RANBP2: variants seen among roughly 807,000 people sequenced by gnomAD.
RANBP2 encodes the protein RAN binding protein 2, also known as E3 SUMO-protein ligase RanBP2.
RANBP2 carries 57 observed loss-of-function variants against 303.6 expected under a neutral mutation model. The observed-to-expected ratio is 0.19, with a 90% CI of 0.15 to 0.23. RANBP2 has a LOEUF of 0.23. RANBP2 is among the 10% of genes least tolerant of loss of function. The pLI, the probability that RANBP2 is intolerant of heterozygous loss-of-function variation, is 1.00. For synonymous variants in RANBP2, 1,167 were observed against 1,301.5 expected (o/e 0.90, Z 2.23); for missense variants, 3,138 against 3,780.8 (o/e 0.83, Z 4.46).
the RANBP2 span, among the ~76,000 whole-genome samples, chr2:109,223,594 G>C: frequency 2.6e-5 from 4 of 152,094 alleles, no homozygotes; most frequent in South Asian, 6.2e-4. Flanking sequence ...ATCGGTGGAG[G>C]GCAGTAGCAC....
the RANBP2 span, among the ~76,000 whole-genome samples, chr2:109,040,997 T>A: frequency 6.8e-3 from 1,036 of 152,218 alleles, 6 homozygotes; most frequent in East Asian, 0.035. Context: ...CGGAGCTTGC[T>A]GTGAGCGGAG....
At chr2:109,303,613 G>A in the RANBP2 span, among the ~76,000 whole-genome samples, 5 of 152,350 alleles carry the variant, frequency 3.3e-5, no homozygotes, top group Admixed American at 2.6e-4. Flanking sequence ...ACGGGCTGGC[G>A]AGACAAAGTC....
chr2:108,843,886 CTTTTTTTTTTT>C, the RANBP2 span, among the ~76,000 whole-genome samples: 1 of 94,018 alleles, frequency 1.1e-5, no homozygotes, highest in East Asian at 2.8e-4. Context: ...GTGTTTCTTT[CTTTTTTTTTTT>C]TTTTTTTTTT....
chr2:109,705,577 T>C, the RANBP2 span, among the ~76,000 whole-genome samples: 1 of 152,192 alleles, frequency 6.6e-6, no homozygotes, highest in African/African-American at 2.4e-5. Context: ...TGTGCATCCA[T>C]GAGGTCATAG....
the RANBP2 span, among the ~76,000 whole-genome samples, chr2:109,139,938 G>A: frequency 6.6e-6 from 1 of 152,198 alleles, no homozygotes; most frequent in African/African-American, 2.4e-5. Context: ...GTGTTCCTAG[G>A]CAGATGGAGG....
chr2:109,379,689 C>T, the RANBP2 span, among the ~76,000 whole-genome samples: 1 of 152,190 alleles, frequency 6.6e-6, no homozygotes, highest in East Asian at 1.9e-4. Flanking sequence ...AGGGATCCCC[C>T]AGCCTTAGTG....
the RANBP2 span, among the ~76,000 whole-genome samples, chr2:108,939,961 C>T: frequency 1.3e-5 from 2 of 152,212 alleles, no homozygotes; most frequent in Admixed American, 1.3e-4. Flanking sequence ...GTCTCAGTGA[C>T]GCTGATTCTG....
At chr2:108,871,241 A>G in the RANBP2 span, among the ~76,000 whole-genome samples, 1 of 151,940 alleles carries the variant, frequency 6.6e-6, no homozygotes, top group Non-Finnish European at 1.5e-5. Flanking sequence ...TTTTAAAATT[A>G]TAAGTTCCTA....
chr2:109,237,758 G>A, the RANBP2 span, among the ~76,000 whole-genome samples: 1 of 151,996 alleles, frequency 6.6e-6, no homozygotes, highest in East Asian at 1.9e-4. Context: ...GACATCTGGG[G>A]ATCTTCCAAA....
the RANBP2 span, among the ~76,000 whole-genome samples, chr2:108,807,631 T>G: frequency 6.6e-6 from 1 of 152,220 alleles, no homozygotes; most frequent in Non-Finnish European, 1.5e-5. Context: ...TTTGTTTTGT[T>G]TTTTTGAGAT....
chr2:109,506,064 A>G, the RANBP2 span, among the ~76,000 whole-genome samples: 1 of 152,120 alleles, frequency 6.6e-6, no homozygotes, highest in African/African-American at 2.4e-5. Flanking sequence ...CAAACAAGTA[A>G]TTTGCCTTTA....
In RANBP2 at chr2:108,755,268, C is replaced by G. The variant is rs1194418366; in HGVS notation, c.2466+9C>G. 6.2e-7 allele frequency: 1 copy of G among 1,611,742 alleles called. No homozygotes were observed. Among genetic ancestry groups the G allele is most frequent in the Admixed American group, 1.7e-5 (1 of 60,008 alleles). On this transcript the variant is annotated intron_variant, in intron 17 of 28. Coordinates refer to ENST00000283195, the MANE Select transcript of RANBP2 (RefSeq NM_006267.5). ...AAGTAGAGGCCATTAAGGTAAGTCA[C>G]TTAATTTCTCTAGCTGTACTTTTTA...
the RANBP2 span, among the ~76,000 whole-genome samples, chr2:109,688,816 G>C: frequency 7.1e-6 from 1 of 140,828 alleles, no homozygotes. Context: ...AAGAATCAAT[G>C]TAAAATTGTT....
At chr2:109,234,118 C>T in the RANBP2 span, among the ~76,000 whole-genome samples, 217 of 152,218 alleles carry the variant, frequency 1.4e-3, 1 homozygote, top group African/African-American at 4.4e-3. Context: ...GTTTAATTTC[C>T]TTATAGGAAA....
At chr2:109,771,119 C>T in the RANBP2 span, among the ~76,000 whole-genome samples, 1 of 4,600 alleles carries the variant, frequency 2.2e-4, no homozygotes, top group Non-Finnish European at 4.0e-4. Flanking sequence ...GGATACAGCT[C>T]TAGCAACCCT....
In RANBP2 at chr2:108,765,515, A is replaced by G. The variant is rs372348140; in HGVS notation, c.4976A>G (p.Glu1659Gly). The G allele has an allele frequency of 5.8e-6, 9 of 1,564,612 alleles. No individual in the cohort carries two copies. The highest frequency in any genetic ancestry group is 6.9e-6 in the Non-Finnish European group (8 of 1,160,108). The part of the protein sequence containing the change: ...ETSKAPKSGF[E>G]GMFTKKEGQW... ...AGCAAGGCTCCAAAGAGCGGATTTG[A>G]GGGAATGTTCACTAAGAAGGAGGGA... is the stretch of plus-strand genomic sequence containing the variant. Residue 1659 changes from glutamate (E) to glycine (G), a missense_variant, in exon 20 of 29, where the codon GAG (glutamate) becomes GGG (glycine). Glu to Gly is a moderately conservative substitution (Grantham distance 98). Coordinates refer to ENST00000283195, the MANE Select transcript of RANBP2 (RefSeq NM_006267.5).
At chr2:109,352,832 C>T in the RANBP2 span, among the ~76,000 whole-genome samples, 11 of 152,256 alleles carry the variant, frequency 7.2e-5, no homozygotes, top group Non-Finnish European at 1.5e-4. Context: ...CACTACAGAC[C>T]ACCCTCGCCC....
chr2:108,911,057 C>T, the RANBP2 span: 4 of 1,614,124 alleles, frequency 2.5e-6, no homozygotes, highest in South Asian at 4.4e-5. Context: ...GGCCAGGTGT[C>T]CTTGGCCTGA....
the RANBP2 span, among the ~76,000 whole-genome samples, chr2:108,902,012 G>A: frequency 0.041 from 6,249 of 152,050 alleles, 437 homozygotes; most frequent in African/African-American, 0.14. Context: ...GGCCAAAGCA[G>A]GTGGACCACA....
Sources: gnomAD v4.1 joint callset for allele counts (sites outside exome capture counted in the v4.1 genomes callset) on GRCh38, gnomAD v4.1.1 for gene constraint, MANE v1.5 for transcripts, NCBI Gene and HGNC (gene_info 2026-07-23, HGNC 2026-07-21) for gene names.